Variants in PHLDA1 observed in about 807,000 individuals in gnomAD.
The protein encoded by PHLDA1 is pleckstrin homology-like domain family A member 1.
PHLDA1 carries 28 observed loss-of-function variants against 33.8 expected under a neutral mutation model. That is an observed-to-expected ratio of 0.83 (90% CI 0.61 to 1.14). The LOEUF (loss-of-function observed/expected upper bound fraction) is 1.14, where lower values mean the gene tolerates loss of function less well. Among genes scored for constraint, PHLDA1 ranks in the 50% most tolerant of loss-of-function variants. PHLDA1 has a pLI of 0.00. For missense variants in PHLDA1, 595 were observed against 548.6 expected (o/e 1.08, Z -0.84); for synonymous variants, 271 against 243.6 (o/e 1.11, Z -1.05).
At position 76,031,693 on chromosome 12, in the gene PHLDA1, G is replaced by A. The variant is rs1259104855; in HGVS notation, c.49C>T (p.Pro17Ser). Residue 17 changes from proline to serine, a missense_variant, in exon 1 of 2, where the codon CCG (proline) becomes TCG (serine). Pro to Ser is a moderately conservative substitution (Grantham distance 74). This residue lies in a region of PHLDA1 where 263 missense variants were observed against 232.3 expected (regional missense o/e 1.13). Coordinates refer to ENST00000266671, the Ensembl canonical transcript of PHLDA1. The surrounding 1 kb of genome is among the most constrained non-coding windows in gnomAD (Gnocchi z 5.4). Reference sequence around the variant, plus strand: ...GGCGGCTCCTGGCGCCCGCACCGCGGGGGAAAGCCCAGCTCCAAGAGGCGC... The same window carrying A: ...GGCGGCTCCTGGCGCCCGCACCGCGAGGGAAAGCCCAGCTCCAAGAGGCGC... The A allele has an allele frequency of 1.4e-6, 2 of 1,455,848 alleles. No homozygotes were observed. The highest frequency in any genetic ancestry group is 1.4e-5 in the South Asian group (1 of 71,286). 90.2% of individuals were successfully genotyped at this position (1,455,848 alleles called of 1,614,324 possible).
Position 76,031,449 on chromosome 12 carries a change from C to T in PHLDA1, c.293G>A (p.Cys98Tyr), listed in dbSNP as rs781776733. Residue 98 changes from cysteine (C) to tyrosine (Y), a missense_variant, in exon 1 of 2, where the codon TGC becomes TAC. Physicochemically the swap from Cys to Tyr is radical, Grantham distance 194. Around this residue, in one of 3 missense-constraint regions of PHLDA1, gnomAD observed 263 missense variants for 232.3 expected, o/e 1.13. Coordinates refer to ENST00000266671, the Ensembl canonical transcript of PHLDA1. The surrounding 1 kb of genome is among the most constrained non-coding windows in gnomAD (Gnocchi z 5.4). ...CCCACGGCCGCCTGCCCGGAGCGCG[C>T]AGAGGAGGCTAACACGCAGGAGGCA... is the stretch of plus-strand genomic sequence containing the variant. 43 of 1,540,956 alleles carry T rather than the reference C, an allele frequency of 2.8e-5. No individual in the cohort carries two copies. Among genetic ancestry groups the T allele is most frequent in the Non-Finnish European group, 3.7e-5 (42 of 1,145,246 alleles).
Position 76,031,095 on chromosome 12 carries a change from C to G in PHLDA1, c.647G>C (p.Ser216Thr). The change falls in exon 1 of 2, where the codon AGT becomes ACT. Residue 216 changes from serine to threonine, a missense_variant. Physicochemically the swap from Ser to Thr is moderately conservative, Grantham distance 58. Coordinates refer to ENST00000266671, the Ensembl canonical transcript of PHLDA1. The surrounding 1 kb of genome is among the most constrained non-coding windows in gnomAD (Gnocchi z 5.4). ...CTCGAGGCTGGCGACAGCGGGGCCA[C>G]TGGGTTGGGACGGCTCGGCCGGCCC... The G allele has an allele frequency of 1.9e-6, 3 of 1,610,188 alleles. No homozygotes were observed. The highest frequency in any genetic ancestry group is 2.5e-6 in the Non-Finnish European group (3 of 1,179,924).
chr12:76,026,229 A>G (rs964620529), exon 2 of PHLDA1: 2 of 152,220 alleles, frequency 1.3e-5, no homozygotes, highest in Non-Finnish European at 2.9e-5. Context: ...ACACACACGA[A>G]AAAGAAAACA....
Position 76,031,475 on chromosome 12 carries a change from G to C in PHLDA1, c.267C>G (p.Leu89=). The C allele has an allele frequency of 6.5e-7, 1 of 1,527,312 alleles. No individual in the cohort carries two copies. Among genetic ancestry groups the C allele is most frequent in the Non-Finnish European group, 8.8e-7 (1 of 1,139,344 alleles). 94.6% of individuals were successfully genotyped at this position (1,527,312 alleles called of 1,614,324 possible). A position where few individuals can be genotyped will look rare whatever the true frequency, so the allele number is the denominator to read the frequency against. Residue 89 remains leucine, a synonymous_variant, in exon 1 of 2, where the codon CTC becomes CTG. Transcript: ENST00000266671. The surrounding 1 kb of genome is among the most constrained non-coding windows in gnomAD (Gnocchi z 5.4). ...AGAGGAGGCTAACACGCAGGAGGCA[G>C]AGCGGCGGCGGCGGCTCTGGGTCCC... is the stretch of plus-strand genomic sequence containing the variant.
In PHLDA1 at chr12:76,031,354, C is replaced by A. The variant is rs758748155; in HGVS notation, c.388G>T (p.Ala130Ser). 6 of 1,611,354 alleles carry A rather than the reference C, an allele frequency of 3.7e-6. No individual in the cohort carries two copies. The Admixed American group carries it at 1.0e-4, about 27-fold the overall frequency. Residue 130 changes from alanine to serine, a missense_variant, in exon 1 of 2, where the codon GCC becomes TCC. By Grantham distance (99) the Ala-to-Ser change is moderately conservative. Transcript: ENST00000266671. The surrounding 1 kb of genome is among the most constrained non-coding windows in gnomAD (Gnocchi z 5.4). Reference sequence around the variant, plus strand: ...TAAGAGGGGCCGCCGCTTGGCTCGGCCTCTCCGTTTCCAGCCGCGCGGGCC... The same window carrying A: ...TAAGAGGGGCCGCCGCTTGGCTCGGACTCTCCGTTTCCAGCCGCGCGGGCC...
exon 2 of PHLDA1, chr12:76,025,480 G>A (rs1211469795): frequency 1.3e-5 from 2 of 152,114 alleles, no homozygotes; most frequent in Non-Finnish European, 2.9e-5. Context: ...TATTTGAAAT[G>A]AAATGCATTT....
chr12:76,025,874 G>C (rs148394640), exon 2 of PHLDA1: 1 of 152,252 alleles, frequency 6.6e-6, no homozygotes, highest in Non-Finnish European at 1.5e-5. Context: ...GGACAATATT[G>C]CCCTTTCTAA....
At position 76,031,008 on chromosome 12, in the gene PHLDA1, C is replaced by A; in HGVS notation, c.734G>T (p.Arg245Leu). ...AGTGAAGTACATGTACTTGCCCTTG[C>A]GCTCCACACAGTCCACGGTCTTCAT... Residue 245 changes from arginine to leucine, a missense_variant, in exon 1 of 2, where the codon CGC (arginine) becomes CTC (leucine). Around this residue, in one of 3 missense-constraint regions of PHLDA1, gnomAD observed 328 missense variants for 295.7 expected, o/e 1.11. Transcript: ENST00000266671. The surrounding 1 kb of genome is among the most constrained non-coding windows in gnomAD (Gnocchi z 5.4). 1 of 1,613,394 alleles carries A rather than the reference C, an allele frequency of 6.2e-7. No homozygotes were observed. Among genetic ancestry groups the A allele is most frequent in the Non-Finnish European group, 8.5e-7 (1 of 1,179,982 alleles).
Position 76,031,556 on chromosome 12 carries a change from C to T in PHLDA1, c.186G>A (p.Pro62=). Residue 62 remains proline (P), a synonymous_variant, in exon 1 of 2, where the codon CCG becomes CCA. Transcript: ENST00000266671. This position sits in a 1 kb window ranked among gnomAD's most constrained non-coding sequence, Gnocchi z 5.4. ...ACAAGGTCCCGGAGCTCCGAGCTGCCGGGCCTCTGCCGTCCTCTTGCGAGC... is the reference window on the plus strand; with the variant it reads ...ACAAGGTCCCGGAGCTCCGAGCTGCTGGGCCTCTGCCGTCCTCTTGCGAGC... The T allele has an allele frequency of 6.4e-7, 1 of 1,555,638 alleles. No individual in the cohort carries two copies. Among genetic ancestry groups the T allele is most frequent in the Non-Finnish European group, 8.7e-7 (1 of 1,154,496 alleles).
exon 2 of PHLDA1, chr12:76,027,345 ATTCTAC>A (rs1158425998): frequency 2.0e-5 from 3 of 152,246 alleles, no homozygotes; most frequent in Non-Finnish European, 4.4e-5. Context: ...AATAAAAGCC[ATTCTAC>A]TTCTAATTTC....
At chr12:76,030,653 G>T in exon 1 of PHLDA1, 1 of 1,359,714 alleles carries the variant, frequency 7.4e-7, no homozygotes, top group Non-Finnish European at 1.0e-6. Context: ...GTGGGTGCGA[G>T]TGAGGATGAG....
exon 2 of PHLDA1, chr12:76,027,395 G>C (rs925676021): frequency 6.6e-6 from 1 of 152,126 alleles, no homozygotes; most frequent in African/African-American, 2.4e-5. Flanking sequence ...GAGGGGTTCA[G>C]AATAGAAAAT....
exon 2 of PHLDA1, chr12:76,027,659 G>A (rs1332797680): frequency 1.3e-5 from 2 of 152,198 alleles, no homozygotes. Context: ...CTACTCAGGA[G>A]GCTGAGACAG....
chr12:76,031,449 C>G lies in PHLDA1; in HGVS notation c.293G>C (p.Cys98Ser). 1 of 1,541,070 alleles carries G rather than the reference C, an allele frequency of 6.5e-7. No homozygotes were observed. The highest frequency in any genetic ancestry group is 8.7e-7 in the Non-Finnish European group (1 of 1,145,238). ...CCCACGGCCGCCTGCCCGGAGCGCG[C>G]AGAGGAGGCTAACACGCAGGAGGCA... The change falls in exon 1 of 2, where the codon TGC (cysteine) becomes TCC (serine). Residue 98 changes from cysteine (C) to serine (S), a missense_variant. This residue lies in a region of PHLDA1 where 263 missense variants were observed against 232.3 expected (regional missense o/e 1.13). Coordinates refer to ENST00000266671, the Ensembl canonical transcript of PHLDA1. This position sits in a 1 kb window ranked among gnomAD's most constrained non-coding sequence, Gnocchi z 5.4.
rs1002832360 is a variant in PHLDA1, at chr12:76,031,016, A to G, written c.726T>C (p.Cys242=). 6 of 1,613,082 alleles carry G rather than the reference A, an allele frequency of 3.7e-6. No individual in the cohort carries two copies. Among genetic ancestry groups the G allele is most frequent in the Middle Eastern group, 1.6e-4 (1 of 6,084 alleles). ...ACATGTACTTGCCCTTGCGCTCCAC[A>G]CAGTCCACGGTCTTCATGTTGGAGA... The change falls in exon 1 of 2, where the codon TGT becomes TGC. Residue 242 remains cysteine (C), a synonymous_variant. Coordinates refer to ENST00000266671, the Ensembl canonical transcript of PHLDA1. The surrounding 1 kb of genome is among the most constrained non-coding windows in gnomAD (Gnocchi z 5.4).
chr12:76,030,715 G>C (rs1276687549), exon 1 of PHLDA1: 5 of 1,176,544 alleles, frequency 4.2e-6, no homozygotes, highest in Admixed American at 2.0e-5. Context: ...TGGGGCTGAG[G>C]CTTGGGTTGG....
exon 1 of PHLDA1, chr12:76,030,992 C>T: frequency 1.2e-6 from 2 of 1,613,778 alleles, no homozygotes; most frequent in Admixed American, 1.7e-5. Flanking sequence ...CAGTGAAGTA[C>T]ATGTACTTGC....
chr12:76,028,240 A>G (rs775694716), exon 2 of PHLDA1: 1 of 152,200 alleles, frequency 6.6e-6, no homozygotes, highest in Non-Finnish European at 1.5e-5. Context: ...TCATATATGT[A>G]TATATACATA....
Position 76,031,365 on chromosome 12 carries a change from C to CCAGCCGCGCGGGCCGGGGGCAGCAGCAG in PHLDA1, c.349_376dup (p.Gly126AlafsTer30). On this transcript the variant is annotated frameshift_variant, in exon 1 of 2. Coordinates refer to ENST00000266671, the Ensembl canonical transcript of PHLDA1. LOFTEE classifies it high-confidence loss of function. The surrounding 1 kb of genome is among the most constrained non-coding windows in gnomAD (Gnocchi z 5.4). ...GCCGCTTGGCTCGGCCTCTCCGTTT[C>CCAGCCGCGCGGGCCGGGGGCAGCAGCAG]CAGCCGCGCGGGCCGGGGGCAGCAG... The CCAGCCGCGCGGGCCGGGGGCAGCAGCAG allele has an allele frequency of 6.2e-7, 1 of 1,610,020 alleles. No individual in the cohort carries two copies. Among genetic ancestry groups the CCAGCCGCGCGGGCCGGGGGCAGCAGCAG allele is most frequent in the Non-Finnish European group, 8.5e-7 (1 of 1,178,638 alleles).
Sources: gnomAD v4.1 joint callset for allele counts on GRCh38, gnomAD v4.1.1 for gene constraint, gnomAD v4.1.1 regional missense constraint, Gnocchi (gnomAD v3.1) non-coding constraint, MANE v1.5 for transcripts, NCBI Gene and HGNC (gene_info 2026-07-23, HGNC 2026-07-21) for gene names.